INTS6: variants seen among roughly 807,000 people sequenced by gnomAD.
INTS6 encodes DEAD box protein.
Under a neutral mutation model 104.9 loss-of-function variants are expected in INTS6, and 16 were observed. The observed-to-expected ratio is 0.15, with a 90% CI of 0.10 to 0.23. The LOEUF is 0.23. Ranked by LOEUF, INTS6 falls within the 10% of genes least tolerant of loss-of-function variation. The probability of loss-of-function intolerance (pLI) is 1.00; values close to 1 mark genes in which losing one functional copy is unlikely to be tolerated. For synonymous variants in INTS6, 324 were observed against 358.7 expected (o/e 0.90, Z 1.09); for missense variants, 584 against 1,062.8 (o/e 0.55, Z 6.26).
At position 51,452,590 on chromosome 13, in the gene INTS6, G is replaced by A; in HGVS notation, c.-65C>T. 12 of 1,561,020 alleles carry A rather than the reference G, an allele frequency of 7.7e-6. No individual in the cohort carries two copies. Among genetic ancestry groups the A allele is most frequent in the Non-Finnish European group, 1.0e-5 (12 of 1,149,022 alleles). ...AAGAGGAGATGGTAGAGGTGGAGGC[G>A]CCGGTGGCGGCGACCGCCGCTACGC... On this transcript the variant is annotated 5_prime_UTR_variant, in exon 1 of 18. Coordinates refer to ENST00000311234, the MANE Select transcript of INTS6 (RefSeq NM_012141.3). This position sits in a 1 kb window ranked among gnomAD's most constrained non-coding sequence, Gnocchi z 4.2.
In INTS6 at chr13:51,452,067, G is replaced by A. The variant is rs776631932; in HGVS notation, c.112-12C>T. 1.2e-5 allele frequency: 20 copies of A among 1,608,834 alleles called. No individual in the cohort carries two copies. Among genetic ancestry groups the A allele is most frequent in the Admixed American group, 1.7e-5 (1 of 59,918 alleles). On this transcript the variant is annotated splice_polypyrimidine_tract_variant and intron_variant, in intron 1 of 17. Coordinates refer to ENST00000311234, the MANE Select transcript of INTS6 (RefSeq NM_012141.3). This position sits in a 1 kb window ranked among gnomAD's most constrained non-coding sequence, Gnocchi z 4.2. ...TCCCGGGCACGGAGCTGCGGGACGG[G>A]AGGAGGAACAGGGCGGGCGACAGGG... is the stretch of plus-strand genomic sequence containing the variant.
At chr13:51,378,139 A>C in intron 12 of INTS6, 100 bp downstream of exon 12, 1 of 856,494 alleles carries the variant, frequency 1.2e-6, no homozygotes, top group Non-Finnish European at 2.0e-6. Context: ...AGTACTCTTT[A>C]AAGTCTGGAT....
downstream of INTS6, among the ~76,000 whole-genome samples, chr13:51,351,535 T>C (rs1320470216): frequency 6.6e-6 from 1 of 152,162 alleles, no homozygotes; most frequent in Non-Finnish European, 1.5e-5. Context: ...TGGATACTAG[T>C]ACCTTAACAG....
chr13:51,413,146 T>C (rs879827726), intron 4 of INTS6, among the ~76,000 whole-genome samples: 3 of 152,026 alleles, frequency 2.0e-5, no homozygotes, highest in Non-Finnish European at 4.4e-5. Context: ...AGTAAGCAAA[T>C]AAGCACACAA....
chr13:51,409,815 G>A (rs778807632), intron 4 of INTS6, among the ~76,000 whole-genome samples: 1 of 152,132 alleles, frequency 6.6e-6, no homozygotes, highest in Admixed American at 6.5e-5. Context: ...TGGAAAGGAA[G>A]AAGTGTACCT....
chr13:51,451,620 C>T (rs1555293017), intron 2 of INTS6: 3 of 156,192 alleles, frequency 1.9e-5, no homozygotes, highest in Non-Finnish European at 2.8e-5. Flanking sequence ...TGTGCGCGGC[C>T]GGGCCCGGCT....
chr13:51,386,266 C>T (rs1032685097), intron 7 of INTS6, among the ~76,000 whole-genome samples: 4 of 152,130 alleles, frequency 2.6e-5, no homozygotes, highest in African/African-American at 7.2e-5. Context: ...CTTTCCATTA[C>T]AACTCAGGTA....
intron 3 of INTS6, chr13:51,355,186 G>T: frequency 1.0e-6 from 1 of 991,416 alleles, no homozygotes; most frequent in Non-Finnish European, 1.5e-6. Context: ...CGTGTATTTG[G>T]GGCAGTTTTA....
At chr13:51,411,310 T>C (rs897551145) in intron 4 of INTS6, among the ~76,000 whole-genome samples, 1 of 151,300 alleles carries the variant, frequency 6.6e-6, no homozygotes, top group African/African-American at 2.4e-5. Context: ...TCACAGCACT[T>C]TGGGAAACTG....
downstream of INTS6, among the ~76,000 whole-genome samples, chr13:51,349,925 T>G (rs1402041714): frequency 6.6e-6 from 1 of 152,240 alleles, no homozygotes; most frequent in Non-Finnish European, 1.5e-5. Context: ...AAGTTTTTTT[T>G]GTTTGTTTTT....
chr13:51,374,883 T>C (rs1361706534), intron 13 of INTS6, 87 bp from the exon 14 acceptor site: 1 of 1,364,784 alleles, frequency 7.3e-7, no homozygotes, highest in African/African-American at 1.4e-5. Context: ...CTACCTAGTG[T>C]TATTCTAGAC....
At chr13:51,378,988 C>T (rs185106264) in intron 11 of INTS6, among the ~76,000 whole-genome samples, 1 of 152,142 alleles carries the variant, frequency 6.6e-6, no homozygotes, top group Non-Finnish European at 1.5e-5. Context: ...AATAATTTCA[C>T]AGTCAGTTAA....
chr13:51,381,993 G>A (rs773194461), intron 10 of INTS6, 36 bp downstream of exon 10: 22 of 1,444,828 alleles, frequency 1.5e-5, no homozygotes, highest in African/African-American at 1.4e-4. Flanking sequence ...GAGTCACTGC[G>A]CCCGGCCAAC....
intron 10 of INTS6, among the ~76,000 whole-genome samples, chr13:51,380,857 A>C (rs1364967795): frequency 2.6e-5 from 4 of 152,240 alleles, no homozygotes; most frequent in Non-Finnish European, 4.4e-5. Flanking sequence ...ATAAGAATAT[A>C]CACTTATCCA....
downstream of INTS6, among the ~76,000 whole-genome samples, chr13:51,352,767 C>T (rs1486136522): frequency 6.6e-6 from 1 of 151,878 alleles, no homozygotes; most frequent in Non-Finnish European, 1.5e-5. Context: ...ACCTTCTATC[C>T]AAAGTTTGTT....
the INTS6 span, among the ~76,000 whole-genome samples, chr13:51,347,858 C>T: frequency 9.9e-5 from 15 of 151,954 alleles, no homozygotes; most frequent in Non-Finnish European, 1.3e-4. Flanking sequence ...ATGCAGGGCT[C>T]GTTACCATCC....
At chr13:51,403,292 A>G (rs1956473698) in intron 4 of INTS6, among the ~76,000 whole-genome samples, 1 of 152,160 alleles carries the variant, frequency 6.6e-6, no homozygotes, top group South Asian at 2.1e-4. Context: ...CCAACACAAG[A>G]TTTCCCCTTA....
intron 4 of INTS6, among the ~76,000 whole-genome samples, chr13:51,413,850 C>G (rs1054589573): frequency 1.3e-5 from 2 of 152,140 alleles, no homozygotes; most frequent in Admixed American, 1.3e-4. Context: ...AAGCTCAGAA[C>G]AAGCTGTCAC....
rs181247602 is a variant in INTS6, at chr13:51,387,291, C to T, written c.894+95G>A. 1.9e-4 allele frequency: 225 copies of T among 1,171,536 alleles called. No homozygotes were observed. In the African/African-American group the frequency reaches 3.1e-3, roughly 16 times the overall value. The allele number at this position is 1,171,536 out of a possible 1,614,324, so 72.6% of individuals were successfully genotyped here. On this transcript the variant is annotated intron_variant, in intron 7 of 17. Coordinates refer to ENST00000311234, the MANE Select transcript of INTS6 (RefSeq NM_012141.3). ...GCACTTTGAACATCTGTCTAATCCC[C>T]ATAAATTAATCACAGCTTTGACAAC...
Sources: allele counts gnomAD v4.1 joint callset (sites outside exome capture counted in the v4.1 genomes callset), GRCh38; gene constraint gnomAD v4.1.1; non-coding constraint Gnocchi (gnomAD v3.1); transcripts MANE v1.5; gene names NCBI Gene and HGNC (gene_info 2026-07-23, HGNC 2026-07-21).